Variants in CNKSR1 observed in about 807,000 individuals in gnomAD.
CNKSR1 encodes connector enhancer of kinase suppressor of Ras 1.
A neutral mutation model predicts 95.6 loss-of-function variants in CNKSR1; 88 were observed. That is an observed-to-expected ratio of 0.92 (90% confidence interval 0.78 to 1.10). The LOEUF is 1.10. Among genes scored for constraint, CNKSR1 ranks in the 50% least tolerant of loss-of-function variants. The pLI, the probability that CNKSR1 is intolerant of heterozygous loss-of-function variation, is 0.00. For synonymous variants in CNKSR1, 355 were observed against 369.7 expected, an observed-to-expected ratio of 0.96 and a Z score of 0.46; for missense variants, 836 against 912.0, an observed-to-expected ratio of 0.92 and a Z score of 1.07.
chr1:26,187,030 A>G, intron 14 of CNKSR1, 138 bp from the exon 15 acceptor site: 1 of 724,140 alleles, frequency 1.4e-6, no homozygotes, highest in South Asian at 1.5e-5. Context: ...AGCTCCAGAA[A>G]CAGAGAGACT....
Position 26,189,572 on chromosome 1 carries a change from G to A in CNKSR1, c.*24G>A. On this transcript the variant is annotated 3_prime_UTR_variant, in exon 21 of 21. Transcript: ENST00000361530. ...GACCCTGGCCAGCACTCTAGCTCCTGACCTTTGACCCGAGGGCCACCTCAA... is the reference window on the plus strand; with the variant it reads ...GACCCTGGCCAGCACTCTAGCTCCTAACCTTTGACCCGAGGGCCACCTCAA... 8.3e-7 allele frequency: 1 copy of A among 1,207,992 alleles called. No homozygotes were observed. Among genetic ancestry groups the A allele is most frequent in the Non-Finnish European group, 1.2e-6 (1 of 808,916 alleles). The allele number at this position is 1,207,992 out of a possible 1,614,324, so 74.8% of individuals were successfully genotyped here.
rs754085965 is a variant in CNKSR1, at chr1:26,183,799, A to C, written c.824A>C (p.Lys275Thr). The change falls in exon 9 of 21, where the codon AAG becomes ACG. Residue 275 changes from lysine (K) to threonine (T), a missense_variant. Physicochemically the swap from Lys to Thr is moderately conservative, Grantham distance 78. Transcript: ENST00000361530. ...REPAGLSLVL[K>T]KIPIPETPPQ... The stretch of plus-strand genomic sequence containing the variant: ...CCAGCCGGACTCAGCTTAGTGCTGA[A>C]GAAGATCCCGATACCGGAGACCCCC... 1.2e-6 allele frequency: 2 copies of C among 1,612,854 alleles called. No homozygotes were observed. The highest frequency in any genetic ancestry group is 2.2e-5 in the South Asian group (2 of 91,046).
In CNKSR1 at chr1:26,183,771, G is replaced by A; in HGVS notation, c.796G>A (p.Glu266Lys). Residue 266 changes from glutamate (E) to lysine (K), a missense_variant, in exon 9 of 21, where the codon GAG (glutamate) becomes AAG (lysine). Physicochemically the swap from Glu to Lys is moderately conservative, Grantham distance 56 (BLOSUM62 1). Transcript: ENST00000361530. ...RKNMVRELLR[E>K]PAGLSLVLKK... ...GAACATGGTGAGGGAACTGCTGCGGGAGCCAGCCGGACTCAGCTTAGTGCT... is the reference window on the plus strand; with the variant it reads ...GAACATGGTGAGGGAACTGCTGCGGAAGCCAGCCGGACTCAGCTTAGTGCT... The A allele has an allele frequency of 1.9e-6, 3 of 1,613,726 alleles. No individual in the cohort carries two copies. The highest frequency in any genetic ancestry group is 2.5e-6 in the Non-Finnish European group (3 of 1,179,816).
At chr1:26,179,972 C>CA (rs1307106803) in intron 1 of CNKSR1, among the ~76,000 whole-genome samples, 1 of 151,980 alleles carries the variant, frequency 6.6e-6, no homozygotes, top group Admixed American at 6.6e-5. Flanking sequence ...CCCACCTCTG[C>CA]AAAAAATACA....
At chr1:26,181,709 A>C (rs2088650140) in intron 3 of CNKSR1, 148 bp from the exon 4 acceptor site, 1 of 728,640 alleles carries the variant, frequency 1.4e-6, no homozygotes, top group Non-Finnish European at 2.4e-6. Flanking sequence ...TAATCTCTTT[A>C]GATGTCTCAA....
chr1:26,187,021 G>A lies in CNKSR1; in HGVS notation c.1309-147G>A. 4.3e-6 allele frequency: 3 copies of A among 702,742 alleles called. No homozygotes were observed. The South Asian group carries it at 4.6e-5, about 11-fold the overall frequency. 43.5% of individuals were successfully genotyped at this position (702,742 alleles called of 1,614,324 possible). A position where few individuals can be genotyped will look rare whatever the true frequency, so the allele number is the denominator to read the frequency against. ...CCCTGACCCCAGATTCCAGCCCTGA[G>A]CTCCAGAAACAGAGAGACTTGTTAG... is the stretch of plus-strand genomic sequence containing the variant. On this transcript the variant is annotated intron_variant, in intron 14 of 20. Transcript: ENST00000361530.
rs145693103 is a variant in CNKSR1 at position 26,188,885 on chromosome 1, C to T, written c.1804C>T (p.Arg602Trp). 30 of 1,613,220 alleles carry T rather than the reference C, an allele frequency of 1.9e-5. No individual in the cohort carries two copies. Among genetic ancestry groups the T allele is most frequent in the African/African-American group, 1.2e-4 (9 of 74,754 alleles). Residue 602 changes from arginine (R) to tryptophan (W), a missense_variant, in exon 20 of 21, where the codon CGG becomes TGG. Coordinates refer to ENST00000361530, the MANE Select transcript of CNKSR1 (RefSeq NM_006314.3). Reference sequence around the variant, plus strand: ...GGAACAGTGGCGGAGCTCTTTCATGCGGCGCAACCGAGACCCTCAGCTCAA... The same window carrying T: ...GGAACAGTGGCGGAGCTCTTTCATGTGGCGCAACCGAGACCCTCAGCTCAA... ...TQEQWRSSFM[R>W]RNRDPQLNER...
chr1:26,177,925 C>G (rs1419691508), intron 1 of CNKSR1, among the ~76,000 whole-genome samples: 1 of 152,134 alleles, frequency 6.6e-6, no homozygotes, highest in Non-Finnish European at 1.5e-5. Flanking sequence ...CGAGATTGCA[C>G]CGCTGCACTC....
chr1:26,180,535 C>CCT lies in CNKSR1; in HGVS notation c.137_138dup (p.Glu47SerfsTer25), dbSNP rs1321329083. The CCT allele has an allele frequency of 6.2e-7, 1 of 1,614,096 alleles. No individual in the cohort carries two copies. The highest frequency in any genetic ancestry group is 2.2e-5 in the East Asian group (1 of 44,896). On this transcript the variant is annotated frameshift_variant, in exon 2 of 21. Coordinates refer to ENST00000361530, the MANE Select transcript of CNKSR1 (RefSeq NM_006314.3). LOFTEE classifies it high-confidence loss of function. ...ACCTGCTCCAGCTCTGCCCCCAAAG[C>CCT]CTCGAGGCTCTGGCTGTGCGGTCTC...
Position 26,189,271 on chromosome 1 carries a change from C to T in CNKSR1, c.1873-8C>T. The stretch of plus-strand genomic sequence containing the variant: ...ATCATGGTCCCTTAGCCCCTCCTCT[C>T]CACACAGGCAAAGCTGCAGGAGCTG... On this transcript the variant is annotated splice_region_variant and splice_polypyrimidine_tract_variant and intron_variant, in intron 20 of 20. Transcript: ENST00000361530. The T allele has an allele frequency of 1.2e-6, 2 of 1,614,106 alleles. No homozygotes were observed. Among genetic ancestry groups the T allele is most frequent in the Non-Finnish European group, 1.7e-6 (2 of 1,180,002 alleles).
At chr1:26,186,005 C>T (rs2088743998) in intron 14 of CNKSR1, among the ~76,000 whole-genome samples, 1 of 152,114 alleles carries the variant, frequency 6.6e-6, no homozygotes, top group Non-Finnish European at 1.5e-5. Flanking sequence ...TTTGCTTCTC[C>T]AGAACTTAGA....
In CNKSR1 at chr1:26,180,544, T is replaced by C; in HGVS notation, c.144T>C (p.Ala48=). 1.2e-6 allele frequency: 2 copies of C among 1,614,170 alleles called. No individual in the cohort carries two copies. Among genetic ancestry groups the C allele is most frequent in the Non-Finnish European group, 1.7e-6 (2 of 1,180,040 alleles). The part of the protein sequence containing the change: ...LLQLCPQSLE[A]LAVRSLGHQE... ...AGCTCTGCCCCCAAAGCCTCGAGGC[T>C]CTGGCTGTGCGGTCTCTGGGACACC... The change falls in exon 2 of 21, where the codon GCT becomes GCC. Residue 48 remains alanine, a synonymous_variant. Coordinates refer to ENST00000361530, the MANE Select transcript of CNKSR1 (RefSeq NM_006314.3).
intron 14 of CNKSR1, 135 bp from the exon 15 acceptor site, chr1:26,187,031 CAG>C: frequency 1.4e-6 from 1 of 721,270 alleles, no homozygotes; most frequent in Non-Finnish European, 2.5e-6. Context: ...GCTCCAGAAA[CAG>C]AGAGACTTGT....
rs1459543801 is a variant in CNKSR1 at position 26,189,408 on chromosome 1, G to A, written c.2002G>A (p.Ala668Thr). The A allele has an allele frequency of 6.2e-7, 1 of 1,614,150 alleles. No individual in the cohort carries two copies. Reference protein sequence around the residue: ...YSEGLGAWGVAQAEGSSHILT... With the variant: ...YSEGLGAWGVTQAEGSSHILT... ...AGAGGGCCTGGGGGCCTGGGGAGTG[G>A]CACAGGCTGAAGGCAGCTCCCACAT... Residue 668 changes from alanine (A) to threonine (T), a missense_variant, in exon 21 of 21, where the codon GCA becomes ACA. Ala to Thr is a moderately conservative substitution (Grantham distance 58, BLOSUM62 0). Coordinates refer to ENST00000361530, the MANE Select transcript of CNKSR1 (RefSeq NM_006314.3).
intron 11 of CNKSR1, 44 bp from the exon 12 acceptor site, chr1:26,184,357 A>G: frequency 6.2e-7 from 1 of 1,603,756 alleles, no homozygotes; most frequent in Non-Finnish European, 8.5e-7. Flanking sequence ...CAAGCCTGGG[A>G]CTGGGCTCAT....
At chr1:26,183,163 C>T (rs2088675265) in intron 6 of CNKSR1, 34 bp from the exon 7 acceptor site, 1 of 1,611,322 alleles carries the variant, frequency 6.2e-7, no homozygotes, top group African/African-American at 1.3e-5. Flanking sequence ...TGTTGCCCCC[C>T]AGCCCCCGGT....
Position 26,188,291 on chromosome 1 carries a change from C to A in CNKSR1, c.1512C>A (p.Pro504=). The change falls in exon 17 of 21, where the codon CCC becomes CCA. Residue 504 remains proline (P), a synonymous_variant. Transcript: ENST00000361530. The stretch of plus-strand genomic sequence containing the variant: ...AGTACCAGTCTCCAGGCCGGGCCCC[C>A]CCACCCCGAGAGGAAGGTAGGTGTC... ...ISKYQSPGRA[P]PPREEDCYSE... 1 of 1,614,136 alleles carries A rather than the reference C, an allele frequency of 6.2e-7. No individual in the cohort carries two copies.
At chr1:26,179,893 T>C (rs1011249728) in intron 1 of CNKSR1, among the ~76,000 whole-genome samples, 2 of 152,152 alleles carry the variant, frequency 1.3e-5, no homozygotes, top group Admixed American at 6.5e-5. Context: ...TCTAGCACTT[T>C]CAGAGACTGA....
intron 14 of CNKSR1, among the ~76,000 whole-genome samples, chr1:26,186,415 CT>C (rs1480033714): frequency 1.3e-5 from 2 of 152,094 alleles, no homozygotes; most frequent in Non-Finnish European, 2.9e-5. Flanking sequence ...ATCCTCCTGC[CT>C]CAGCCTCCTG....
Sources: gnomAD v4.1 joint callset for allele counts (sites outside exome capture counted in the v4.1 genomes callset) on GRCh38, gnomAD v4.1.1 for gene constraint, MANE v1.5 for transcripts, NCBI Gene and HGNC (gene_info 2026-07-23, HGNC 2026-07-21) for gene names.